Variants in COA7 observed in about 807,000 individuals in gnomAD.
The protein encoded by COA7 is cytochrome c oxidase assembly factor 7, also known as Sel1 repeat containing 1.
COA7 carries 12 observed loss-of-function variants against 21.0 expected under a neutral mutation model. That is an observed-to-expected ratio of 0.57 (90% CI 0.37 to 0.92). COA7 has a LOEUF of 0.92. COA7 is among the 40% of genes least tolerant of loss of function. The probability of loss-of-function intolerance (pLI) is 0.01; values close to 1 mark genes in which losing one functional copy is unlikely to be tolerated. For synonymous variants in COA7, 95 were observed against 107.4 expected (o/e 0.88, Z 0.72); for missense variants, 240 against 286.1 (o/e 0.84, Z 1.16).
At chr1:52,694,513 T>G (rs1261500006) in intron 1 of COA7, among the ~76,000 whole-genome samples, 1 of 145,498 alleles carries the variant, frequency 6.9e-6, no homozygotes. Flanking sequence ...AATATATCCA[T>G]GTAACAAAAC....
chr1:52,697,739 A>AT (rs143047249), intron 1 of COA7, among the ~76,000 whole-genome samples: 8,385 of 151,804 alleles, frequency 0.055, 766 homozygotes, highest in African/African-American at 0.19. Flanking sequence ...CGCCCGGCTA[A>AT]TTTTTTGTAT....
Position 52,688,070 on chromosome 1 carries a change from G to T in COA7, c.346C>A (p.Leu116Ile), listed in dbSNP as rs1312450832. The T allele has an allele frequency of 6.2e-7, 1 of 1,614,028 alleles. No homozygotes were observed. Among genetic ancestry groups the T allele is most frequent in the Non-Finnish European group, 8.5e-7 (1 of 1,180,034 alleles). ...TTAACCTGTCCATCATGTGCCAGGA[G>T]GCCAACGTTGTGACATGCTGCTATT... ...KSIAACHNVG[L>I]LAHDGQVNED... The change falls in exon 3 of 3, where the codon CTC (leucine) becomes ATC (isoleucine). Residue 116 changes from leucine to isoleucine, a missense_variant. By Grantham distance (5) the Leu-to-Ile change is conservative. Coordinates refer to ENST00000371538, the MANE Select transcript of COA7 (RefSeq NM_023077.3).
At chr1:52,689,162 T>TA (rs1177282150) in intron 2 of COA7, among the ~76,000 whole-genome samples, 2 of 147,196 alleles carry the variant, frequency 1.4e-5, no homozygotes, top group Admixed American at 6.8e-5. Context: ...TTATTATTAT[T>TA]TTTTTTTTTT....
At position 52,698,290 on chromosome 1, in the gene COA7, C is replaced by A; in HGVS notation, c.37G>T (p.Val13Phe). 6.2e-7 allele frequency: 1 copy of A among 1,612,814 alleles called. No homozygotes were observed. The highest frequency in any genetic ancestry group is 8.5e-7 in the Non-Finnish European group (1 of 1,179,864). The stretch of plus-strand genomic sequence containing the variant: ...TCCATGTTCTCCAAAAAGGACTTGA[C>A]CTGCTCCTCATCCTGGAAGTCCACC... ...GMVDFQDEEQ[V>F]KSFLENMEVE... Residue 13 changes from valine (V) to phenylalanine (F), a missense_variant, in exon 1 of 3, where the codon GTC (valine) becomes TTC (phenylalanine). Coordinates refer to ENST00000371538, the MANE Select transcript of COA7 (RefSeq NM_023077.3).
intron 1 of COA7, among the ~76,000 whole-genome samples, chr1:52,693,790 C>G (rs1307020642): frequency 6.6e-6 from 1 of 152,114 alleles, no homozygotes; most frequent in Non-Finnish European, 1.5e-5. Context: ...CTTAATCTCT[C>G]TCCCCTCTTC....
chr1:52,688,199 C>T (rs567824078), intron 2 of COA7, 31 bp from the exon 3 acceptor site: 7 of 1,577,028 alleles, frequency 4.4e-6, no homozygotes, highest in Non-Finnish European at 6.0e-6. Context: ...AAAAAATAAA[C>T]CCAAGCCAGG....
At chr1:52,692,602 C>G (rs879082633) in intron 2 of COA7, 125 bp downstream of exon 2, 1 of 1,102,620 alleles carries the variant, frequency 9.1e-7, no homozygotes, top group South Asian at 1.5e-5. Context: ...TCCTACCTCT[C>G]CATCTTCCTA....
At chr1:52,694,763 T>C (rs1644072690) in intron 1 of COA7, among the ~76,000 whole-genome samples, 1 of 150,866 alleles carries the variant, frequency 6.6e-6, no homozygotes, top group African/African-American at 2.5e-5. Context: ...AAAAATGAAA[T>C]TAAAAGACAA....
chr1:52,690,029 AAAAAAAAAAAG>A (rs2149904059), intron 2 of COA7, among the ~76,000 whole-genome samples: 1 of 70,048 alleles, frequency 1.4e-5, no homozygotes, highest in Admixed American at 1.2e-4. Context: ...TCTGTCTCAA[AAAAAAAAAAAG>A]AAAAAAAAAA....
At chr1:52,691,039 G>T (rs527692874) in intron 2 of COA7, among the ~76,000 whole-genome samples, 4 of 151,956 alleles carry the variant, frequency 2.6e-5, no homozygotes, top group African/African-American at 9.7e-5. Context: ...GAGCCAGGGG[G>T]TTGTGGTGAG....
chr1:52,697,386 G>A (rs960317293), intron 1 of COA7, among the ~76,000 whole-genome samples: 2 of 152,174 alleles, frequency 1.3e-5, no homozygotes, highest in Non-Finnish European at 2.9e-5. Context: ...ACACATTTGT[G>A]ATTCAGGGCG....
Position 52,698,344 on chromosome 1 carries a change from A to G in COA7, c.-18T>C. The G allele has an allele frequency of 6.3e-7, 1 of 1,590,950 alleles. No individual in the cohort carries two copies. Among genetic ancestry groups the G allele is most frequent in the Non-Finnish European group, 8.6e-7 (1 of 1,164,904 alleles). On this transcript the variant is annotated 5_prime_UTR_variant, in exon 1 of 3. Coordinates refer to ENST00000371538, the MANE Select transcript of COA7 (RefSeq NM_023077.3). Reference sequence around the variant, plus strand: ...CCGGCCATGGTTCGCGCCGGCCCAAAGACGGTCACGTGAGCCGGCGGAGGG... The same window carrying G: ...CCGGCCATGGTTCGCGCCGGCCCAAGGACGGTCACGTGAGCCGGCGGAGGG...
At position 52,684,525 on chromosome 1, in the gene COA7, A is replaced by G. The variant is rs760858638; in HGVS notation, c.*3195T>C. 1 of 152,190 alleles carries G rather than the reference A, an allele frequency of 6.6e-6. No individual in the cohort carries two copies. The highest frequency in any genetic ancestry group is 2.4e-5 in the African/African-American group (1 of 41,444). 9.4% of individuals were successfully genotyped at this position (152,190 alleles called of 1,614,324 possible). ...AATTGAGAGGGTACAGAGATTTCCC[A>G]TATAGTTGTTGTCCCCACACATGCA... On this transcript the variant is annotated 3_prime_UTR_variant, in exon 3 of 3. Coordinates refer to ENST00000371538, the MANE Select transcript of COA7 (RefSeq NM_023077.3).
Position 52,694,461 on chromosome 1 carries a change from G to GAA in COA7, c.107-1596_107-1595dup, listed in dbSNP as rs59226724. On this transcript the variant is annotated intron_variant, in intron 1 of 2. Coordinates refer to ENST00000371538, the MANE Select transcript of COA7 (RefSeq NM_023077.3). ...GGCAACAAGAGCAAAACTCCATCTC[G>GAA]AAAAAAAAAAAAAAAAAAAAGCCCA... 1.9e-3 allele frequency among the ~76,000 whole-genome samples: 121 copies of GAA among 64,864 alleles called. 3 individuals are homozygous for GAA. Among genetic ancestry groups the GAA allele is most frequent in the African/African-American group, 3.8e-3 (68 of 18,132 alleles). The allele number at this position is 64,864 out of a possible 152,430, so 42.6% of individuals were successfully genotyped here.
chr1:52,688,335 C>T (rs936118461), intron 2 of COA7, among the ~76,000 whole-genome samples, 167 bp from the exon 3 acceptor site: 3 of 151,916 alleles, frequency 2.0e-5, no homozygotes, highest in Non-Finnish European at 2.9e-5. Flanking sequence ...CCTCAACCTC[C>T]GGCTAAAGCA....
At position 52,686,506 on chromosome 1, in the gene COA7, G is replaced by C. The variant is rs431262; in HGVS notation, c.*1214C>G. On this transcript the variant is annotated 3_prime_UTR_variant, in exon 3 of 3. Coordinates refer to ENST00000371538, the MANE Select transcript of COA7 (RefSeq NM_023077.3). ...TCTATCGCCCAGGCTGGAGGGCAGT[G>C]GCGCAATCTCAGCTCACTGCAAGCT... 43,094 of 151,428 alleles carry C rather than the reference G, an allele frequency of 0.28. 6,800 individuals carry two copies. The highest frequency in any genetic ancestry group is 0.36 in the Non-Finnish European group (24,404 of 67,856). 9.4% of individuals were successfully genotyped at this position (151,428 alleles called of 1,614,324 possible). A position where few individuals can be genotyped will look rare whatever the true frequency, so the allele number is the denominator to read the frequency against.
rs1571719449 is a variant in COA7 at position 52,694,389 on chromosome 1, G to A, written c.107-1522C>T. Among the ~76,000 whole-genome samples the A allele has an allele frequency of 3.3e-5, 5 of 151,848 alleles. 1 individual carries two copies. Among genetic ancestry groups the A allele is most frequent in the Admixed American group, 3.3e-4 (5 of 15,260 alleles). The stretch of plus-strand genomic sequence containing the variant: ...GGCAGAGAATCACTTCAACTCGGGA[G>A]GCGGAGACTGCGGTGAGCCGAGATA... On this transcript the variant is annotated intron_variant, in intron 1 of 2. Coordinates refer to ENST00000371538, the MANE Select transcript of COA7 (RefSeq NM_023077.3).
At chr1:52,695,204 G>T (rs969988624) in intron 1 of COA7, among the ~76,000 whole-genome samples, 1 of 148,378 alleles carries the variant, frequency 6.7e-6, no homozygotes, top group African/African-American at 2.5e-5. Flanking sequence ...TGAGGCAGGA[G>T]AATCACTTGA....
intron 2 of COA7, 63 bp from the exon 3 acceptor site, chr1:52,688,231 C>G: frequency 1.5e-6 from 2 of 1,369,630 alleles, no homozygotes; most frequent in Non-Finnish European, 2.0e-6. Flanking sequence ...ATGTCTCAGG[C>G]CAAAGTCAGT....
Sources: gnomAD v4.1 joint callset for allele counts (sites outside exome capture counted in the v4.1 genomes callset) on GRCh38, gnomAD v4.1.1 for gene constraint, MANE v1.5 for transcripts, NCBI Gene and HGNC (gene_info 2026-07-23, HGNC 2026-07-21) for gene names.